BMAL2: variants seen among roughly 807,000 people sequenced by gnomAD.
BMAL2 encodes basic helix-loop-helix ARNT-like protein 2.
the BMAL2 span, among the ~76,000 whole-genome samples, chr12:27,415,545 G>A: frequency 6.6e-6 from 1 of 152,190 alleles, no homozygotes; most frequent in East Asian, 1.9e-4. Flanking sequence ...TCTTGAGGAG[G>A]AGCTGATTTT....
chr12:27,414,802 A>G, the BMAL2 span, among the ~76,000 whole-genome samples: 3 of 152,224 alleles, frequency 2.0e-5, no homozygotes, highest in Non-Finnish European at 4.4e-5. Context: ...TTGAATCAAG[A>G]TTAGAAAAAC....
chr12:27,401,310 A>G, the BMAL2 span: 18 of 1,614,066 alleles, frequency 1.1e-5, no homozygotes, highest in East Asian at 2.2e-5. Context: ...ACTTCTTGTT[A>G]TGAATATTTT....
At chr12:27,416,445 CTACTTAATTCAATTGAACAAA>C in the BMAL2 span, among the ~76,000 whole-genome samples, 1 of 152,048 alleles carries the variant, frequency 6.6e-6, no homozygotes, top group South Asian at 2.1e-4. Flanking sequence ...ATACCACATA[CTACTTAATTCAATTGAACAAA>C]TACTAGCTAT....
At chr12:27,341,991 C>T in the BMAL2 span, among the ~76,000 whole-genome samples, 1 of 152,102 alleles carries the variant, frequency 6.6e-6, no homozygotes, top group African/African-American at 2.4e-5. Flanking sequence ...GGCCAAAGTG[C>T]AGTGGTGTGA....
the BMAL2 span, among the ~76,000 whole-genome samples, chr12:27,395,322 A>G: frequency 6.6e-6 from 1 of 152,232 alleles, no homozygotes; most frequent in African/African-American, 2.4e-5. Context: ...ATTCTAGACA[A>G]CACATGACTG....
the BMAL2 span, chr12:27,420,626 G>T: frequency 1.5e-6 from 2 of 1,312,570 alleles, no homozygotes; most frequent in Admixed American, 2.8e-5. Context: ...TATTGATATT[G>T]TTTGTATCTT....
chr12:27,364,081 G>T, the BMAL2 span, among the ~76,000 whole-genome samples: 2 of 152,120 alleles, frequency 1.3e-5, no homozygotes, highest in Non-Finnish European at 2.9e-5. Flanking sequence ...TCTTCTTGCT[G>T]CATCCTCACT....
chr12:27,349,284 A>G, the BMAL2 span, among the ~76,000 whole-genome samples: 1 of 152,244 alleles, frequency 6.6e-6, no homozygotes, highest in African/African-American at 2.4e-5. Flanking sequence ...CCTGTTGTAC[A>G]ATAATTAAAT....
At chr12:27,403,427 A>G in the BMAL2 span, 73 of 1,534,634 alleles carry the variant, frequency 4.8e-5, no homozygotes, top group East Asian at 1.6e-3. Context: ...TTTTGCTGTT[A>G]CTTAGAATCC....
chr12:27,356,886 A>G, the BMAL2 span, among the ~76,000 whole-genome samples: 16 of 152,118 alleles, frequency 1.1e-4, no homozygotes, highest in African/African-American at 3.6e-4. Context: ...CCCAATGTGT[A>G]GCCTTTTATC....
At chr12:27,375,348 A>C in the BMAL2 span, among the ~76,000 whole-genome samples, 1 of 152,236 alleles carries the variant, frequency 6.6e-6, no homozygotes, top group Non-Finnish European at 1.5e-5. Flanking sequence ...AATTATAACT[A>C]ATCAGTGGGC....
chr12:27,356,926 C>T, the BMAL2 span, among the ~76,000 whole-genome samples: 1 of 150,770 alleles, frequency 6.6e-6, no homozygotes, highest in African/African-American at 2.4e-5. Flanking sequence ...CCCCTCGAGT[C>T]CCCAAAGTCC....
At chr12:27,334,733 A>G in the BMAL2 span, among the ~76,000 whole-genome samples, 1 of 152,270 alleles carries the variant, frequency 6.6e-6, no homozygotes, top group African/African-American at 2.4e-5. Context: ...GGGAATAATA[A>G]AAATTAAATT....
At chr12:27,359,046 A>T in the BMAL2 span, among the ~76,000 whole-genome samples, 261 of 152,112 alleles carry the variant, frequency 1.7e-3, 1 homozygote, top group African/African-American at 6.2e-3. Flanking sequence ...ATTACCACAA[A>T]CCTATAAAAC....
At chr12:27,385,118 A>G in the BMAL2 span, among the ~76,000 whole-genome samples, 1 of 152,288 alleles carries the variant, frequency 6.6e-6, no homozygotes, top group East Asian at 1.9e-4. Flanking sequence ...GTTCAAGACC[A>G]GCCTGGCCAA....
chr12:27,341,846 C>T, the BMAL2 span, among the ~76,000 whole-genome samples: 1 of 152,200 alleles, frequency 6.6e-6, no homozygotes, highest in Admixed American at 6.5e-5. Flanking sequence ...TGCCCTGTGT[C>T]TGAACATACT....
chr12:27,345,750 A>T, the BMAL2 span, among the ~76,000 whole-genome samples: 1 of 152,092 alleles, frequency 6.6e-6, no homozygotes, highest in East Asian at 1.9e-4. Context: ...CTATCTGCCC[A>T]TCTGGGCTTT....
the BMAL2 span, among the ~76,000 whole-genome samples, chr12:27,338,774 A>C: frequency 2.0e-4 from 30 of 152,126 alleles, no homozygotes; most frequent in African/African-American, 6.8e-4. Flanking sequence ...AGGCAACAGA[A>C]CTTTTAAGTC....
chr12:27,425,230 T>C, the BMAL2 span: 2 of 152,184 alleles, frequency 1.3e-5, no homozygotes, highest in Admixed American at 1.3e-4. Context: ...TGAAATTATA[T>C]TTTATAATTA....
Sources: gnomAD v4.1 joint callset for allele counts (sites outside exome capture counted in the v4.1 genomes callset) on GRCh38, gnomAD v4.1.1 for gene constraint, MANE v1.5 for transcripts, NCBI Gene and HGNC (gene_info 2026-07-23, HGNC 2026-07-21) for gene names.